The following IL12A variants were observed in gnomAD, a reference collection of about 807,000 sequenced individuals.
The protein encoded by IL12A is interleukin-12 subunit alpha.
A neutral mutation model predicts 23.5 loss-of-function variants in IL12A; 16 were observed. That is an observed-to-expected ratio of 0.68 (90% confidence interval 0.46 to 1.03). The LOEUF is 1.03. Ranked by LOEUF, IL12A falls within the 50% of genes least tolerant of loss-of-function variation. The probability of loss-of-function intolerance (pLI) is 0.00; values close to 1 mark genes in which losing one functional copy is unlikely to be tolerated. For missense variants in IL12A, 275 were observed against 307.0 expected (o/e 0.90, Z 0.78); for synonymous variants, 106 against 111.5 (o/e 0.95, Z 0.31).
rs1326512741 is a variant in IL12A at position 159,995,950 on chromosome 3, A to T, written c.*391A>T. 6.6e-6 allele frequency: 1 copy of T among 152,306 alleles called. No homozygotes were observed. The highest frequency in any genetic ancestry group is 1.5e-5 in the Non-Finnish European group (1 of 68,122). The allele number at this position is 152,306 out of a possible 1,614,324, so 9.4% of individuals were successfully genotyped here. A position where few individuals can be genotyped will look rare whatever the true frequency, so the allele number is the denominator to read the frequency against. Reference sequence around the variant, plus strand: ...ATATTTATTTATGTTATATTTATTAAATTATTTATCAAGTGTATTTGAAAA... The same window carrying T: ...ATATTTATTTATGTTATATTTATTATATTATTTATCAAGTGTATTTGAAAA... On this transcript the variant is annotated 3_prime_UTR_variant, in exon 7 of 7. Transcript: ENST00000305579.
chr3:159,993,094 T>C lies in IL12A; in HGVS notation c.347T>C (p.Val116Ala). ...ATCACAAAAGATAAAACCAGCACAG[T>C]GGAGGCCTGTTTACCATTGGAATTA... Residue 116 changes from valine to alanine, a missense_variant, in exon 3 of 7, where the codon GTG becomes GCG. Physicochemically the swap from Val to Ala is moderately conservative, Grantham distance 64. Coordinates refer to ENST00000305579, the MANE Select transcript of IL12A (RefSeq NM_000882.4). 6.3e-7 allele frequency: 1 copy of C among 1,599,126 alleles called. No individual in the cohort carries two copies. Among genetic ancestry groups the C allele is most frequent in the Non-Finnish European group, 8.6e-7 (1 of 1,166,334 alleles).
intron 2 of IL12A, 71 bp downstream of exon 2, chr3:159,990,383 C>A: frequency 6.8e-7 from 1 of 1,469,160 alleles, no homozygotes; most frequent in Non-Finnish European, 9.4e-7. Flanking sequence ...ATCCTCCCCT[C>A]TGGTACCTGA....
At position 159,989,044 on chromosome 3, in the gene IL12A, G is replaced by A. The variant is rs766383674; in HGVS notation, c.-13G>A. 17 of 1,608,732 alleles carry A rather than the reference G, an allele frequency of 1.1e-5. No homozygotes were observed. The highest frequency in any genetic ancestry group is 1.1e-5 in the Non-Finnish European group (13 of 1,175,594). ...CCGGGAAAGTCCTGCCGCGCCTCGG[G>A]ACAATTATAAAAATGTGGCCCCCTG... On this transcript the variant is annotated 5_prime_UTR_variant, in exon 1 of 7. Coordinates refer to ENST00000305579, the MANE Select transcript of IL12A (RefSeq NM_000882.4).
rs1239428877 is a variant in IL12A at position 159,990,215 on chromosome 3, C to A, written c.167C>A (p.Ala56Asp). 1 of 1,614,052 alleles carries A rather than the reference C, an allele frequency of 6.2e-7. No individual in the cohort carries two copies. Among genetic ancestry groups the A allele is most frequent in the South Asian group, 1.1e-5 (1 of 91,064 alleles). ...GTCCTCCTGGACCACCTCAGTTTGGCCAGAAACCTCCCCGTGGCCACTCCA... is the reference window on the plus strand; with the variant it reads ...GTCCTCCTGGACCACCTCAGTTTGGACAGAAACCTCCCCGTGGCCACTCCA... Residue 56 changes from alanine to aspartate, a missense_variant, in exon 2 of 7, where the codon GCC becomes GAC. Ala to Asp is a moderately radical substitution (Grantham distance 126). Transcript: ENST00000305579.
At chr3:159,990,506 A>C (rs1343661422) in intron 2 of IL12A, among the ~76,000 whole-genome samples, 194 bp downstream of exon 2, 2 of 152,218 alleles carry the variant, frequency 1.3e-5, no homozygotes, top group Non-Finnish European at 2.9e-5. Context: ...TCTCCAGAGA[A>C]AGCAAGAGTA....
chr3:159,990,007 C>T (rs1196210362), intron 1 of IL12A, among the ~76,000 whole-genome samples, 160 bp from the exon 2 acceptor site: 1 of 150,440 alleles, frequency 6.6e-6, no homozygotes, highest in Non-Finnish European at 1.5e-5. Flanking sequence ...TGTAATAACT[C>T]GAGTCATCTC....
At chr3:159,991,797 G>A (rs1720324858) in intron 2 of IL12A, among the ~76,000 whole-genome samples, 1 of 152,166 alleles carries the variant, frequency 6.6e-6, no homozygotes, top group Admixed American at 6.5e-5. Context: ...TCCTTGACTT[G>A]TGGCCCCTTC....
intron 2 of IL12A, 32 bp downstream of exon 2, chr3:159,990,344 C>T: frequency 1.2e-6 from 2 of 1,605,954 alleles, no homozygotes; most frequent in South Asian, 2.2e-5. Flanking sequence ...CACTGTGGAC[C>T]TGCACCCTCC....
intron 1 of IL12A, 83 bp downstream of exon 1, chr3:159,989,257 C>A: frequency 1.9e-6 from 2 of 1,076,500 alleles, no homozygotes; most frequent in Admixed American, 1.9e-5. Context: ...AAACTCAAGT[C>A]TGCCTAAGGA....
chr3:159,993,561 C>A lies in IL12A; in HGVS notation c.421-7C>A. ...TATCACTGATGTCTGATTATTTTTT[C>A]CTCTAGAATGGGAGTTGCCTGGCCT... is the stretch of plus-strand genomic sequence containing the variant. On this transcript the variant is annotated splice_polypyrimidine_tract_variant and splice_region_variant and intron_variant, in intron 4 of 6. Coordinates refer to ENST00000305579, the MANE Select transcript of IL12A (RefSeq NM_000882.4). 1 of 1,613,988 alleles carries A rather than the reference C, an allele frequency of 6.2e-7. No homozygotes were observed. Among genetic ancestry groups the A allele is most frequent in the Non-Finnish European group, 8.5e-7 (1 of 1,179,946 alleles).
At chr3:159,993,948 G>A (rs1720406637) in intron 6 of IL12A, 104 bp downstream of exon 6, 7 of 1,140,724 alleles carry the variant, frequency 6.1e-6, no homozygotes, top group Non-Finnish European at 8.8e-6. Context: ...GCCTTTTAAA[G>A]GCCTGACAGA....
At chr3:159,991,221 T>G (rs572954748) in intron 2 of IL12A, among the ~76,000 whole-genome samples, 28 of 152,298 alleles carry the variant, frequency 1.8e-4, no homozygotes, top group African/African-American at 6.7e-4. Flanking sequence ...TCATATAGAT[T>G]TTTTTGTGCA....
At position 159,993,123 on chromosome 3, in the gene IL12A, A is replaced by G; in HGVS notation, c.376A>G (p.Lys126Glu). 6.7e-7 allele frequency: 1 copy of G among 1,495,338 alleles called. No homozygotes were observed. The highest frequency in any genetic ancestry group is 1.7e-4 in the Middle Eastern group (1 of 5,850). The allele number at this position is 1,495,338 out of a possible 1,614,324, so 92.6% of individuals were successfully genotyped here. ...GGCCTGTTTACCATTGGAATTAACC[A>G]AGGTATAAAGGATTTTCCTCCCAGA... The change falls in exon 3 of 7, where the codon AAG becomes GAG. Residue 126 changes from lysine (K) to glutamate (E), a missense_variant and splice_region_variant. By Grantham distance (56) the Lys-to-Glu change is moderately conservative (BLOSUM62 1). Coordinates refer to ENST00000305579, the MANE Select transcript of IL12A (RefSeq NM_000882.4).
intron 2 of IL12A, among the ~76,000 whole-genome samples, chr3:159,992,139 C>T (rs1175959754): frequency 6.6e-6 from 1 of 152,178 alleles, no homozygotes; most frequent in African/African-American, 2.4e-5. Context: ...TGCTTCTTGG[C>T]TCATGCTGTT....
In IL12A at chr3:159,993,497, G is replaced by C; in HGVS notation, c.420+5G>C. 1.2e-6 allele frequency: 2 copies of C among 1,613,718 alleles called. No homozygotes were observed. Among genetic ancestry groups the C allele is most frequent in the Non-Finnish European group, 1.7e-6 (2 of 1,179,698 alleles). ...AGAGAGACCTCTTTCATAACTGTAAGTCAAAAAATGAAAAGTTTCAGCCTG... is the reference window on the plus strand; with the variant it reads ...AGAGAGACCTCTTTCATAACTGTAACTCAAAAAATGAAAAGTTTCAGCCTG... On this transcript the variant is annotated splice_donor_5th_base_variant and intron_variant, in intron 4 of 6. Coordinates refer to ENST00000305579, the MANE Select transcript of IL12A (RefSeq NM_000882.4).
chr3:159,992,258 T>C (rs1287988466), intron 2 of IL12A, among the ~76,000 whole-genome samples: 1 of 152,178 alleles, frequency 6.6e-6, no homozygotes, highest in Non-Finnish European at 1.5e-5. Context: ...CTCAGAAGCT[T>C]CATGCCCTTC....
At position 159,993,751 on chromosome 3, in the gene IL12A, G is replaced by C. The variant is rs1221517986; in HGVS notation, c.513G>C (p.Glu171Asp). The change falls in exon 6 of 7, where the codon GAG becomes GAC. Residue 171 changes from glutamate (E) to aspartate (D), a missense_variant. By Grantham distance (45) the Glu-to-Asp change is conservative. Coordinates refer to ENST00000305579, the MANE Select transcript of IL12A (RefSeq NM_000882.4). The stretch of plus-strand genomic sequence containing the variant: ...AAGACTTGAAGATGTACCAGGTGGA[G>C]TTCAAGACCATGAATGCAAAGCTTC... The C allele has an allele frequency of 3.7e-6, 6 of 1,614,010 alleles. No individual in the cohort carries two copies. In the Admixed American group the frequency reaches 5.0e-5, roughly 13 times the overall value.
At position 159,993,023 on chromosome 3, in the gene IL12A, T is replaced by C. The variant is rs1720370874; in HGVS notation, c.276T>C (p.Thr92=). 1 of 1,591,970 alleles carries C rather than the reference T, an allele frequency of 6.3e-7. No homozygotes were observed. Among genetic ancestry groups the C allele is most frequent in the Non-Finnish European group, 8.6e-7 (1 of 1,160,320 alleles). The change falls in exon 3 of 7, where the codon ACT becomes ACC. Residue 92 remains threonine, a synonymous_variant. Coordinates refer to ENST00000305579, the MANE Select transcript of IL12A (RefSeq NM_000882.4). ...TTCATTTTTTATAGGCCAGACAAAC[T>C]CTAGAATTTTACCCTTGCACTTCTG... is the stretch of plus-strand genomic sequence containing the variant.
In IL12A at chr3:159,989,029, C is replaced by T; in HGVS notation, c.-28C>T. The T allele has an allele frequency of 6.4e-7, 1 of 1,561,480 alleles. No homozygotes were observed. Among genetic ancestry groups the T allele is most frequent in the Non-Finnish European group, 8.8e-7 (1 of 1,132,418 alleles). Reference sequence around the variant, plus strand: ...CAAGAGACCAGAGTCCCGGGAAAGTCCTGCCGCGCCTCGGGACAATTATAA... The same window carrying T: ...CAAGAGACCAGAGTCCCGGGAAAGTTCTGCCGCGCCTCGGGACAATTATAA... On this transcript the variant is annotated 5_prime_UTR_variant, in exon 1 of 7. Coordinates refer to ENST00000305579, the MANE Select transcript of IL12A (RefSeq NM_000882.4).
Sources: gnomAD v4.1 joint callset for allele counts (sites outside exome capture counted in the v4.1 genomes callset) on GRCh38, gnomAD v4.1.1 for gene constraint, MANE v1.5 for transcripts, NCBI Gene and HGNC (gene_info 2026-07-23, HGNC 2026-07-21) for gene names.